TLE2: variants seen among roughly 807,000 people sequenced by gnomAD.
TLE2 encodes the protein transducin-like enhancer protein 2.
A neutral mutation model predicts 97.2 loss-of-function variants in TLE2; 74 were observed. The ratio of observed to expected loss-of-function variants is 0.76; its 90% CI spans 0.63 to 0.92. TLE2 has a LOEUF of 0.92. TLE2 is among the 40% of genes least tolerant of loss of function. The pLI is 0.00. For synonymous variants in TLE2, 499 were observed against 432.1 expected (o/e 1.15, Z -1.92); for missense variants, 1,038 against 1,008.7 (o/e 1.03, Z -0.39).
At chr19:3,020,994 C>T (rs1159938835) in intron 5 of TLE2, among the ~76,000 whole-genome samples, 1 of 146,034 alleles carries the variant, frequency 6.8e-6, no homozygotes, top group African/African-American at 2.6e-5. Flanking sequence ...GAGGCTGACA[C>T]AGGAGAATCA....
intron 5 of TLE2, among the ~76,000 whole-genome samples, chr19:3,021,109 A>AG (rs2089830226): frequency 8.4e-6 from 1 of 118,642 alleles, no homozygotes; most frequent in Non-Finnish European, 1.8e-5. Context: ...AAAAAAAAAA[A>AG]AAAAAGGGGG....
Position 3,017,856 on chromosome 19 carries a change from T to G in TLE2, c.554A>C (p.Glu185Ala). The G allele has an allele frequency of 6.2e-7, 1 of 1,612,174 alleles. No individual in the cohort carries two copies. The highest frequency in any genetic ancestry group is 1.1e-5 in the South Asian group (1 of 90,832). The change falls in exon 8 of 20, where the codon GAG becomes GCG. Residue 185 changes from glutamate to alanine, a missense_variant. Coordinates refer to ENST00000262953, the MANE Select transcript of TLE2 (RefSeq NM_003260.5). ...CTCACTTACCCTGCTCGGGGCTCTC[T>G]CCACTGACAGATTGGGAATGGGATA... ...AGVEAEGSRV[E>A]RAPSRSASPS... is the part of the protein sequence containing the mutation.
At position 2,998,288 on chromosome 19, in the gene TLE2, T is replaced by G. The variant is rs551074621; in HGVS notation, c.2125-333A>C. 3.1e-3 allele frequency among the ~76,000 whole-genome samples: 454 copies of G among 148,744 alleles called. 5 individuals are homozygous for G. The highest frequency in any genetic ancestry group is 0.011 in the African/African-American group (438 of 40,114). On this transcript the variant is annotated intron_variant, in intron 19 of 19. Coordinates refer to ENST00000262953, the MANE Select transcript of TLE2 (RefSeq NM_003260.5). ...GTGTGTGTGTGTGTAATTTTTTTTTTTTTTTGTGAGACAGGGTCTAACTCT... is the reference window on the plus strand; with the variant it reads ...GTGTGTGTGTGTGTAATTTTTTTTTGTTTTTGTGAGACAGGGTCTAACTCT...
At chr19:3,011,622 G>A (rs966239947) in intron 11 of TLE2, among the ~76,000 whole-genome samples, 13 of 151,844 alleles carry the variant, frequency 8.6e-5, no homozygotes, top group African/African-American at 2.4e-4. Flanking sequence ...GGCCGAGGCC[G>A]GTGGATCACT....
rs1161052630 is a variant in TLE2 at position 3,013,831 on chromosome 19, A to G, written c.724-13T>C. On this transcript the variant is annotated splice_polypyrimidine_tract_variant and intron_variant, in intron 10 of 19. Coordinates refer to ENST00000262953, the MANE Select transcript of TLE2 (RefSeq NM_003260.5). ...CTGAGGGTTGGTCCTGGGTTTGAGG[A>G]GGTGACGTTGAGCAGAGTTGAAATG... 21 of 1,517,180 alleles carry G rather than the reference A, an allele frequency of 1.4e-5. No homozygotes were observed. The highest frequency in any genetic ancestry group is 4.3e-5 in the African/African-American group (3 of 69,276). 94.0% of individuals were successfully genotyped at this position (1,517,180 alleles called of 1,614,324 possible).
chr19:3,036,711 C>G (rs2090065887), intron 1 of TLE2, among the ~76,000 whole-genome samples: 1 of 151,646 alleles, frequency 6.6e-6, no homozygotes, highest in Non-Finnish European at 1.5e-5. Flanking sequence ...CTCAGTTTAC[C>G]CAGATGCACA....
rs534186855 is a variant in TLE2, at chr19:3,040,833, T to G, written c.63+4893A>C. ...TTTAGATTTTGTAGAGATGGGGTCT[T>G]GCTATATTATCGACCTCAATCTGAA... On this transcript the variant is annotated intron_variant, in intron 1 of 18. Coordinates refer to the TLE2 transcript ENST00000426948. Among the ~76,000 whole-genome samples the G allele has an allele frequency of 3.5e-4, 51 of 145,740 alleles. 1 individual carries two copies. In the East Asian group the frequency reaches 1.0e-2, roughly 29 times the overall value.
rs758792202 is a variant in TLE2 at position 3,002,357 on chromosome 19, G to A, written c.2043C>T (p.Ser681=). The A allele has an allele frequency of 6.2e-7, 1 of 1,611,356 alleles. No homozygotes were observed. The highest frequency in any genetic ancestry group is 8.5e-7 in the Non-Finnish European group (1 of 1,178,512). The change falls in exon 18 of 20, where the codon TCC becomes TCT. Residue 681 remains serine (S), a synonymous_variant. Coordinates refer to ENST00000262953, the MANE Select transcript of TLE2 (RefSeq NM_003260.5). ...ESCVLSLKFA[S]CGRWFVSTGK... is the part of the protein sequence containing the mutation. ...ACCCCGCCCCAGAAGACACACCGCA[G>A]GAGGCAAACTTCAGGGACAGCACGC...
Position 3,005,792 on chromosome 19 carries a change from G to C in TLE2, c.1677C>G (p.Ala559=). Residue 559 remains alanine, a synonymous_variant, in exon 16 of 20, where the codon GCC becomes GCG. Coordinates refer to ENST00000262953, the MANE Select transcript of TLE2 (RefSeq NM_003260.5). ...CGCTGCAGCAGGAGAAGCAAACCTTGGCGTCGGGGCTGACGGCCAGGGCGT... is the reference window on the plus strand; with the variant it reads ...CGCTGCAGCAGGAGAAGCAAACCTTCGCGTCGGGGCTGACGGCCAGGGCGT... ...ACYALAVSPD[A]KVCFSCCSDG... is the part of the protein sequence containing the mutation. 1 of 1,614,000 alleles carries C rather than the reference G, an allele frequency of 6.2e-7. No homozygotes were observed. The highest frequency in any genetic ancestry group is 8.5e-7 in the Non-Finnish European group (1 of 1,179,868).
At chr19:3,015,992 AG>A in intron 8 of TLE2, 1 of 622,334 alleles carries the variant, frequency 1.6e-6, no homozygotes, top group Non-Finnish European at 3.0e-6. Context: ...GCTGGAGTGC[AG>A]TGGAGCCATC....
intron 19 of TLE2, among the ~76,000 whole-genome samples, chr19:2,998,574 G>A (rs923646202): frequency 2.0e-5 from 3 of 152,070 alleles, no homozygotes; most frequent in East Asian, 1.9e-4. Flanking sequence ...CACCGCACCC[G>A]GCCTAATTTT....
chr19:3,033,826 G>A (rs146606355), upstream of TLE2, among the ~76,000 whole-genome samples: 322 of 152,168 alleles, frequency 2.1e-3, 1 homozygote, highest in African/African-American at 7.2e-3. Flanking sequence ...GCAACATAGC[G>A]AGACCCAACC....
At chr19:3,009,789 TTA>T (rs1378149947) in intron 12 of TLE2, 87 bp from the exon 13 acceptor site, 2 of 1,504,738 alleles carry the variant, frequency 1.3e-6, no homozygotes, top group East Asian at 2.5e-5. Flanking sequence ...GGCCTTTCAT[TTA>T]GAGTTTCCAT....
At position 2,997,674 on chromosome 19, in the gene TLE2, T is replaced by G. The variant is rs2089244524; in HGVS notation, c.*174A>C. The G allele has an allele frequency of 6.9e-6, 4 of 582,418 alleles. No individual in the cohort carries two copies. Among genetic ancestry groups the G allele is most frequent in the Non-Finnish European group, 1.2e-5 (4 of 321,830 alleles). The allele number at this position is 582,418 out of a possible 1,614,324, so 36.1% of individuals were successfully genotyped here. On this transcript the variant is annotated 3_prime_UTR_variant, in exon 20 of 20. Coordinates refer to ENST00000262953, the MANE Select transcript of TLE2 (RefSeq NM_003260.5). ...TAGATACATTTTATTTCCACCGAGG[T>G]CCCCTGCCCATCGGCCCCCACATGC...
chr19:3,014,503 C>A (rs1425640761), intron 10 of TLE2, 67 bp downstream of exon 10: 3 of 1,411,160 alleles, frequency 2.1e-6, no homozygotes. Flanking sequence ...TGGGTCCTCC[C>A]AGTCCAGAAA....
Position 3,002,516 on chromosome 19 carries a change from A to T in TLE2, c.1897-13T>A. 1 of 1,554,284 alleles carries T rather than the reference A, an allele frequency of 6.4e-7. No individual in the cohort carries two copies. ...CCAGGGAGAAAATCTGGGGGTAAAG[A>T]GGGAAGAGATGGGGTCACGAGCCCC... On this transcript the variant is annotated splice_polypyrimidine_tract_variant and intron_variant, in intron 17 of 19. Transcript: ENST00000262953.
chr19:2,999,099 T>G (rs910994248), intron 19 of TLE2, among the ~76,000 whole-genome samples: 2 of 151,888 alleles, frequency 1.3e-5, no homozygotes, highest in African/African-American at 4.8e-5. Context: ...CTGGCCAACG[T>G]GGGGAATCCC....
At chr19:3,033,679 A>G (rs1490236206), upstream of TLE2, among the ~76,000 whole-genome samples, 1 of 152,062 alleles carries the variant, frequency 6.6e-6, no homozygotes, top group Non-Finnish European at 1.5e-5. Flanking sequence ...GCTTGCTCAG[A>G]GCAGCCTCAC....
chr19:2,999,882 A>T (rs1282667831), intron 19 of TLE2, among the ~76,000 whole-genome samples: 1 of 148,954 alleles, frequency 6.7e-6, no homozygotes, highest in African/African-American at 2.5e-5. Flanking sequence ...AAAATACAAA[A>T]ATTAGCCAGG....
Sources: gnomAD v4.1 joint callset for allele counts (sites outside exome capture counted in the v4.1 genomes callset) on GRCh38, gnomAD v4.1.1 for gene constraint, MANE v1.5 for transcripts, NCBI Gene and HGNC (gene_info 2026-07-23, HGNC 2026-07-21) for gene names.